The following CLINT1 variants were observed in gnomAD, a reference collection of about 807,000 sequenced individuals.
The protein encoded by CLINT1 is clathrin interactor 1.
A neutral mutation model predicts 70.4 loss-of-function variants in CLINT1; 15 were observed. That is an observed-to-expected ratio of 0.21 (90% CI 0.14 to 0.33). CLINT1 has a LOEUF of 0.33. Ranked by LOEUF, CLINT1 falls within the 10% of genes least tolerant of loss-of-function variation. The pLI, the probability that CLINT1 is intolerant of heterozygous loss-of-function variation, is 1.00. For synonymous variants in CLINT1, 227 were observed against 254.7 expected, an observed-to-expected ratio of 0.89 and a Z score of 1.04; for missense variants, 615 against 778.1, an observed-to-expected ratio of 0.79 and a Z score of 2.49.
chr5:157,786,085 G>A lies in CLINT1; in HGVS notation c.*1561C>T, dbSNP rs1280070199. 1 of 152,124 alleles carries A rather than the reference G, an allele frequency of 6.6e-6. No homozygotes were observed. The highest frequency in any genetic ancestry group is 1.9e-4 in the East Asian group (1 of 5,202). The allele number at this position is 152,124 out of a possible 1,614,324, so 9.4% of individuals were successfully genotyped here. A position where few individuals can be genotyped will look rare whatever the true frequency, so the allele number is the denominator to read the frequency against. ...TGCCTAATTAGAAATGTTGTAGATG[G>A]AACATTAGCAAGAATGGAGCAGGTC... On this transcript the variant is annotated 3_prime_UTR_variant, in exon 12 of 12. Coordinates refer to ENST00000411809, the MANE Select transcript of CLINT1 (RefSeq NM_014666.4).
At chr5:157,856,393 A>C (rs560171733) in intron 1 of CLINT1, among the ~76,000 whole-genome samples, 1 of 152,332 alleles carries the variant, frequency 6.6e-6, no homozygotes, top group Admixed American at 6.5e-5. Flanking sequence ...TTAAAAACGT[A>C]ATGCCAGAAT....
chr5:157,855,123 G>A (rs1220198020), intron 1 of CLINT1, among the ~76,000 whole-genome samples: 1 of 114,484 alleles, frequency 8.7e-6, no homozygotes. Flanking sequence ...CAGCCTGGGG[G>A]ATAAAGTGAA....
Position 157,815,660 on chromosome 5 carries a change from C to T in CLINT1, c.243+1074G>A, listed in dbSNP as rs374508044. Among the ~76,000 whole-genome samples, 173 of 152,168 alleles carry T rather than the reference C, an allele frequency of 1.1e-3. 1 individual carries two copies. The highest frequency in any genetic ancestry group is 2.7e-3 in the African/African-American group (113 of 41,506). On this transcript the variant is annotated intron_variant, in intron 3 of 11. Transcript: ENST00000411809. ...CACTTAATGATGGGGATATGTTCTG[C>T]GTAATGTGCCATTAGGCAATTTCGT...
intron 8 of CLINT1, among the ~76,000 whole-genome samples, chr5:157,800,672 T>G (rs1243148987): frequency 6.6e-6 from 1 of 152,176 alleles, no homozygotes; most frequent in Admixed American, 6.5e-5. Context: ...AAAATAAAAT[T>G]TAAGGCAAGA....
At chr5:157,817,398 A>G in intron 2 of CLINT1, 45 bp downstream of exon 2, 1 of 1,190,168 alleles carries the variant, frequency 8.4e-7, no homozygotes, top group South Asian at 1.3e-5. Context: ...CTGTGTTAAG[A>G]TGCTTTGATT....
At chr5:157,789,718 A>G in intron 10 of CLINT1, 1 of 663,160 alleles carries the variant, frequency 1.5e-6, no homozygotes, top group South Asian at 2.0e-5. Context: ...TTAGCTTCCC[A>G]AAGAGGTTCC....
intron 8 of CLINT1, among the ~76,000 whole-genome samples, chr5:157,802,910 C>T (rs895161786): frequency 1.3e-5 from 2 of 152,208 alleles, no homozygotes; most frequent in African/African-American, 4.8e-5. Context: ...GACTGAAGCA[C>T]TTGCCATTGT....
chr5:157,831,333 C>T (rs191725861), intron 1 of CLINT1, among the ~76,000 whole-genome samples: 127 of 151,878 alleles, frequency 8.4e-4, no homozygotes, highest in African/African-American at 3.0e-3. Flanking sequence ...GGACTACAGG[C>T]GCATGCCACC....
chr5:157,821,691 C>CTAGGATCACACTGTT (rs1264515321), intron 1 of CLINT1, among the ~76,000 whole-genome samples: 1 of 152,138 alleles, frequency 6.6e-6, no homozygotes, highest in Admixed American at 6.5e-5. Flanking sequence ...TAGGTAATTA[C>CTAGGATCACACTGTT]TAGGATCACA....
chr5:157,812,098 A>C (rs905998083), intron 5 of CLINT1, among the ~76,000 whole-genome samples: 1 of 152,202 alleles, frequency 6.6e-6, no homozygotes, highest in African/African-American at 2.4e-5. Flanking sequence ...TGCTGTTAGA[A>C]ACATCCTTAA....
intron 9 of CLINT1, among the ~76,000 whole-genome samples, chr5:157,792,391 CA>C (rs1238193955): frequency 2.0e-5 from 3 of 152,070 alleles, no homozygotes; most frequent in Admixed American, 2.0e-4. Context: ...ACTAAAAATA[CA>C]AAAAAATTAG....
At chr5:157,858,249 C>T (rs1205852792) in intron 1 of CLINT1, among the ~76,000 whole-genome samples, 3 of 152,092 alleles carry the variant, frequency 2.0e-5, no homozygotes, top group Non-Finnish European at 4.4e-5. Flanking sequence ...ACAAGTAGCA[C>T]ACCAAAAATG....
chr5:157,858,544 A>C (rs1753828260), intron 1 of CLINT1, among the ~76,000 whole-genome samples: 1 of 152,134 alleles, frequency 6.6e-6, no homozygotes, highest in Non-Finnish European at 1.5e-5. Flanking sequence ...CCCACCCCCA[A>C]ACCTTCCCTG....
intron 1 of CLINT1, among the ~76,000 whole-genome samples, chr5:157,857,795 A>G (rs985149003): frequency 2.0e-5 from 3 of 152,198 alleles, no homozygotes; most frequent in African/African-American, 7.2e-5. Flanking sequence ...AAAATATAAA[A>G]ATATGGTCAA....
At chr5:157,791,609 CTTAT>C (rs1561635517) in intron 10 of CLINT1, 90 bp downstream of exon 10, 1 of 1,190,608 alleles carries the variant, frequency 8.4e-7, no homozygotes, top group South Asian at 1.5e-5. Context: ...AAAGGACTTG[CTTAT>C]TTTTCTGTTT....
At chr5:157,814,351 T>C (rs1947110048) in intron 3 of CLINT1, 58 bp from the exon 4 acceptor site, 2 of 1,168,396 alleles carry the variant, frequency 1.7e-6, no homozygotes, top group Non-Finnish European at 2.5e-6. Flanking sequence ...AGAGCTTTGG[T>C]AAATGGTTAA....
At chr5:157,804,651 G>A (rs770369574) in intron 7 of CLINT1, among the ~76,000 whole-genome samples, 4 of 152,082 alleles carry the variant, frequency 2.6e-5, no homozygotes, top group East Asian at 1.9e-4. Flanking sequence ...ACTGCCGGGC[G>A]CGGTGGCTCA....
Position 157,842,208 on chromosome 5 carries a change from C to T in CLINT1, c.41+16722G>A, listed in dbSNP as rs552240248. Among the ~76,000 whole-genome samples, 4 of 152,244 alleles carry T rather than the reference C, an allele frequency of 2.6e-5. No individual in the cohort carries two copies. The East Asian group carries it at 7.7e-4, about 29-fold the overall frequency. On this transcript the variant is annotated intron_variant, in intron 1 of 11. Transcript: ENST00000411809. ...AACAATCACTATTGTGTAAGTTATG[C>T]AAATTTTATTCTTATTCTTTTGGGA...
At chr5:157,844,750 A>C (rs1356084764) in intron 1 of CLINT1, among the ~76,000 whole-genome samples, 1 of 152,242 alleles carries the variant, frequency 6.6e-6, no homozygotes, top group Non-Finnish European at 1.5e-5. Context: ...TGACCAAAAC[A>C]TAAAGATCAC....
Sources: gnomAD v4.1 joint callset for allele counts (sites outside exome capture counted in the v4.1 genomes callset) on GRCh38, gnomAD v4.1.1 for gene constraint, MANE v1.5 for transcripts, NCBI Gene and HGNC (gene_info 2026-07-23, HGNC 2026-07-21) for gene names.